The following PCDH15 variants were observed in gnomAD, a reference collection of about 807,000 sequenced individuals.
PCDH15 encodes protocadherin related 15.
Under a neutral mutation model 178.5 loss-of-function variants are expected in PCDH15, and 129 were observed. That is an observed-to-expected ratio of 0.72 (90% CI 0.63 to 0.84). PCDH15 has a LOEUF of 0.84. PCDH15 is among the 40% of genes least tolerant of loss of function. PCDH15 has a pLI of 0.00. For synonymous variants in PCDH15, 800 were observed against 732.0 expected, an observed-to-expected ratio of 1.09 and a Z score of -1.50; for missense variants, 2,230 against 2,099.9, an observed-to-expected ratio of 1.06 and a Z score of -1.21.
At chr10:54,345,928 T>G (rs1487402993) in intron 6 of PCDH15, among the ~76,000 whole-genome samples, 1 of 152,024 alleles carries the variant, frequency 6.6e-6, no homozygotes, top group Non-Finnish European at 1.5e-5. Flanking sequence ...TCTCTATCTT[T>G]GGTTTAACTG....
intron 2 of PCDH15, among the ~76,000 whole-genome samples, chr10:55,069,297 T>C (rs113431423): frequency 6.0e-5 from 9 of 151,226 alleles, no homozygotes; most frequent in African/African-American, 1.7e-4. Context: ...TTTTTTATAC[T>C]TTAAGTTTTA....
At chr10:55,532,041 A>G (rs1294525467) in intron 2 of PCDH15, among the ~76,000 whole-genome samples, 15 of 152,074 alleles carry the variant, frequency 9.9e-5, no homozygotes, top group Admixed American at 8.6e-4. Flanking sequence ...CTGTTTTGGA[A>G]ATTTAATGAA....
At chr10:55,565,654 G>T (rs1287736033) in intron 2 of PCDH15, among the ~76,000 whole-genome samples, 1 of 151,554 alleles carries the variant, frequency 6.6e-6, no homozygotes, top group African/African-American at 2.4e-5. Flanking sequence ...AATGAAAATG[G>T]TGACTTTGCT....
intron 26 of PCDH15, among the ~76,000 whole-genome samples, chr10:53,876,875 A>C (rs558781923): frequency 2.6e-5 from 4 of 152,178 alleles, no homozygotes; most frequent in Non-Finnish European, 2.9e-5. Flanking sequence ...ACGCCAGTGC[A>C]ACAATAATAG....
chr10:54,637,125 CA>C (rs562355701), intron 2 of PCDH15, among the ~76,000 whole-genome samples: 3,640 of 76,796 alleles, frequency 0.047, 96 homozygotes, highest in African/African-American at 0.12. Context: ...AATCAATCTT[CA>C]AAAAAAAAAA....
At chr10:54,118,661 AAAAT>A (rs1290855555) in intron 15 of PCDH15, among the ~76,000 whole-genome samples, 3 of 152,136 alleles carry the variant, frequency 2.0e-5, no homozygotes, top group East Asian at 1.9e-4. Flanking sequence ...CTCTGTGTCA[AAAAT>A]AAATAAATAA....
intron 3 of PCDH15, among the ~76,000 whole-genome samples, chr10:54,514,040 T>G (rs1266830385): frequency 6.6e-6 from 1 of 152,204 alleles, no homozygotes; most frequent in Non-Finnish European, 1.5e-5. Context: ...TGTCTTTTTA[T>G]ATAGGGAATT....
intron 2 of PCDH15, among the ~76,000 whole-genome samples, chr10:54,610,843 G>C (rs181896358): frequency 1.7e-4 from 25 of 151,474 alleles, no homozygotes; most frequent in Admixed American, 9.2e-4. Context: ...ACAAAGAAAT[G>C]AAAAAGGTGT....
intron 1 of PCDH15, among the ~76,000 whole-genome samples, chr10:54,672,543 A>C (rs1345625022): frequency 2.0e-5 from 3 of 152,178 alleles, no homozygotes; most frequent in African/African-American, 7.2e-5. Flanking sequence ...CCTTTGGAGA[A>C]GGACATATGC....
chr10:54,937,499 G>A (rs189650440), intron 2 of PCDH15, among the ~76,000 whole-genome samples: 1 of 151,806 alleles, frequency 6.6e-6, no homozygotes, highest in East Asian at 1.9e-4. Flanking sequence ...TTAAAATAAT[G>A]TTCTCTAGTT....
At chr10:54,540,568 C>T (rs1014820366) in intron 2 of PCDH15, among the ~76,000 whole-genome samples, 5 of 152,096 alleles carry the variant, frequency 3.3e-5, no homozygotes, top group African/African-American at 1.2e-4. Context: ...CAGCCGAATT[C>T]TACCAGATGT....
At chr10:54,195,407 T>C (rs555582244) in intron 11 of PCDH15, among the ~76,000 whole-genome samples, 1 of 152,322 alleles carries the variant, frequency 6.6e-6, no homozygotes, top group South Asian at 2.1e-4. Flanking sequence ...CATATGTTAA[T>C]AAAAATATTG....
intron 2 of PCDH15, among the ~76,000 whole-genome samples, chr10:55,522,593 T>G (rs2132166807): frequency 6.6e-6 from 1 of 151,906 alleles, no homozygotes; most frequent in African/African-American, 2.4e-5. Context: ...TTGTGACAGA[T>G]TTGACTAAAA....
At chr10:55,480,524 A>T (rs1840157449) in intron 2 of PCDH15, among the ~76,000 whole-genome samples, 1 of 150,726 alleles carries the variant, frequency 6.6e-6, no homozygotes, top group Non-Finnish European at 1.5e-5. Flanking sequence ...GTTCATTTAG[A>T]GTTTTTTTTA....
chr10:54,511,368 C>T (rs1482050116), intron 3 of PCDH15, among the ~76,000 whole-genome samples: 3 of 152,112 alleles, frequency 2.0e-5, no homozygotes, highest in African/African-American at 4.8e-5. Flanking sequence ...CCCTCACTCT[C>T]CTCTGATTCA....
At chr10:53,924,908 T>C (rs1053633507) in intron 25 of PCDH15, among the ~76,000 whole-genome samples, 2 of 152,302 alleles carry the variant, frequency 1.3e-5, no homozygotes, top group South Asian at 2.1e-4. Context: ...CACCAATCAG[T>C]GCTCTGGGGT....
At chr10:54,535,707 C>G (rs1444648185) in intron 2 of PCDH15, among the ~76,000 whole-genome samples, 4 of 46,434 alleles carry the variant, frequency 8.6e-5, no homozygotes, top group South Asian at 9.6e-4. Flanking sequence ...GAGACTCCAC[C>G]TCAAAAAAAA....
Position 54,596,157 on chromosome 10 carries a change from T to C in PCDH15, c.91+68015A>G, listed in dbSNP as rs1464150707. Among the ~76,000 whole-genome samples the C allele has an allele frequency of 2.0e-5, 3 of 152,042 alleles. No individual in the cohort carries two copies. In the South Asian group the frequency reaches 6.2e-4, roughly 32 times the overall value. ...AGAAGATCATCCCCAAGATACATAA[T>C]TATCAGGTTCTGTAAGGTCAAAATG... On this transcript the variant is annotated intron_variant, in intron 2 of 37. Coordinates refer to ENST00000644397, the MANE Select transcript of PCDH15 (RefSeq NM_001384140.1).
chr10:54,831,995 AT>A (rs1331518686), intron 3 of PCDH15, among the ~76,000 whole-genome samples: 1 of 152,124 alleles, frequency 6.6e-6, no homozygotes, highest in Non-Finnish European at 1.5e-5. Context: ...TTGTATGTCT[AT>A]TTTGGTGTAT....
Sources: gnomAD v4.1 joint callset for allele counts (sites outside exome capture counted in the v4.1 genomes callset) on GRCh38, gnomAD v4.1.1 for gene constraint, MANE v1.5 for transcripts, NCBI Gene and HGNC (gene_info 2026-07-23, HGNC 2026-07-21) for gene names.